Variants in PDCD1LG2 observed in about 807,000 individuals in gnomAD.
The protein encoded by PDCD1LG2 is B7 dendritic cell molecule.
A neutral mutation model predicts 28.2 loss-of-function variants in PDCD1LG2; 32 were observed. The observed-to-expected ratio is 1.13, with a 90% CI of 0.86 to 1.52. The LOEUF (loss-of-function observed/expected upper bound fraction) is 1.52. Ranked by LOEUF, PDCD1LG2 falls within the 40% of genes most tolerant of loss-of-function variation. The pLI is 0.00. For missense variants in PDCD1LG2, 385 were observed against 323.8 expected, an observed-to-expected ratio of 1.19 and a Z score of -1.45; for synonymous variants, 116 against 120.2, an observed-to-expected ratio of 0.97 and a Z score of 0.23.
At chr9:5,533,300 G>A (rs994263121) in intron 2 of PDCD1LG2, among the ~76,000 whole-genome samples, 2 of 152,130 alleles carry the variant, frequency 1.3e-5, no homozygotes, top group Non-Finnish European at 2.9e-5. Context: ...CTTTATTGAT[G>A]TAACACTACC....
At chr9:5,512,427 G>A (rs1820079421) in intron 1 of PDCD1LG2, among the ~76,000 whole-genome samples, 1 of 152,140 alleles carries the variant, frequency 6.6e-6, no homozygotes, top group Non-Finnish European at 1.5e-5. Flanking sequence ...TCCCTATGAT[G>A]AACTGCCCCT....
chr9:5,525,498 G>A (rs547632792), intron 2 of PDCD1LG2, among the ~76,000 whole-genome samples: 2 of 151,336 alleles, frequency 1.3e-5, no homozygotes, highest in Non-Finnish European at 2.9e-5. Context: ...TGGTATATTT[G>A]CAGAATATAT....
intron 4 of PDCD1LG2, among the ~76,000 whole-genome samples, chr9:5,557,049 G>A (rs548810726): frequency 1.5e-4 from 23 of 152,160 alleles, no homozygotes; most frequent in Non-Finnish European, 5.9e-5. Context: ...CACTACCTAG[G>A]ATATTCTATT....
intron 3 of PDCD1LG2, among the ~76,000 whole-genome samples, chr9:5,543,538 CAAAAAAA>C (rs139524609): frequency 1.4e-5 from 1 of 73,692 alleles, no homozygotes; most frequent in Non-Finnish European, 2.8e-5. Flanking sequence ...GACTCCGTCT[CAAAAAAA>C]AAAAAAAAAA....
chr9:5,552,729 C>T (rs762837661), intron 4 of PDCD1LG2, among the ~76,000 whole-genome samples: 2 of 152,204 alleles, frequency 1.3e-5, no homozygotes, highest in Non-Finnish European at 1.5e-5. Context: ...ATACCCATCT[C>T]ATCATAACTT....
In PDCD1LG2 at chr9:5,557,641, C is replaced by G. The variant is rs2129921132; in HGVS notation, c.655C>G (p.Pro219Ala). The G allele has an allele frequency of 6.2e-7, 1 of 1,614,000 alleles. No individual in the cohort carries two copies. Among genetic ancestry groups the G allele is most frequent in the Non-Finnish European group, 8.5e-7 (1 of 1,179,884 alleles). ...LQSQMEPRTH[P>A]TWLLHIFIPF... ...AGGTCAGATGGAACCCAGGACCCAT[C>G]CAACTTGGCTGCTTCACATTTTCAT... Residue 219 changes from proline to alanine, a missense_variant, in exon 5 of 7, where the codon CCA (proline) becomes GCA (alanine). Physicochemically the swap from Pro to Ala is conservative, Grantham distance 27. Transcript: ENST00000397747.
At chr9:5,560,346 G>A (rs1816534394) in intron 5 of PDCD1LG2, among the ~76,000 whole-genome samples, 1 of 152,210 alleles carries the variant, frequency 6.6e-6, no homozygotes, top group South Asian at 2.1e-4. Flanking sequence ...AGGCAGCTAG[G>A]TTAGTCCTCC....
intron 4 of PDCD1LG2, among the ~76,000 whole-genome samples, chr9:5,550,950 C>A (rs1369132507): frequency 2.6e-5 from 4 of 152,178 alleles, no homozygotes; most frequent in African/African-American, 9.7e-5. Flanking sequence ...GCCTCAGCCT[C>A]CCAAATTGCT....
chr9:5,558,537 T>C (rs1442722376), intron 5 of PDCD1LG2, among the ~76,000 whole-genome samples: 2 of 152,230 alleles, frequency 1.3e-5, no homozygotes, highest in African/African-American at 4.8e-5. Context: ...GATCTATACA[T>C]GGCCTCATCT....
In PDCD1LG2 at chr9:5,570,101, C is replaced by G; in HGVS notation, c.*142C>G. 1.9e-6 allele frequency: 2 copies of G among 1,051,606 alleles called. No homozygotes were observed. The highest frequency in any genetic ancestry group is 3.8e-5 in the Admixed American group (2 of 52,064). 65.1% of individuals were successfully genotyped at this position (1,051,606 alleles called of 1,614,324 possible). A position where few individuals can be genotyped will look rare whatever the true frequency, so the allele number is the denominator to read the frequency against. ...GATGACCCAGCACTTTAATCTGAAA[C>G]CTGCAACAAGACTAGCCAACACCTG... On this transcript the variant is annotated 3_prime_UTR_variant, in exon 7 of 7. Coordinates refer to ENST00000397747, the MANE Select transcript of PDCD1LG2 (RefSeq NM_025239.4).
At position 5,570,934 on chromosome 9, in the gene PDCD1LG2, G is replaced by T. The variant is rs192566024; in HGVS notation, c.*975G>T. The T allele has an allele frequency of 4.3e-6, 1 of 232,694 alleles. No individual in the cohort carries two copies. The highest frequency in any genetic ancestry group is 8.5e-6 in the Non-Finnish European group (1 of 117,788). The allele number at this position is 232,694 out of a possible 1,614,324, so 14.4% of individuals were successfully genotyped here. A position where few individuals can be genotyped will look rare whatever the true frequency, so the allele number is the denominator to read the frequency against. On this transcript the variant is annotated 3_prime_UTR_variant, in exon 7 of 7. Coordinates refer to ENST00000397747, the MANE Select transcript of PDCD1LG2 (RefSeq NM_025239.4). ...AATTGGCACTATGGAAATCCTGCAA[G>T]ATCCCACTACATATGTGTGGAGCAG...
chr9:5,522,752 A>G, intron 2 of PDCD1LG2, 151 bp downstream of exon 2: 2 of 640,700 alleles, frequency 3.1e-6, no homozygotes, highest in Non-Finnish European at 5.4e-6. Context: ...AAAAAAAAAA[A>G]GAGTCCCCAT....
At position 5,549,574 on chromosome 9, in the gene PDCD1LG2, G is replaced by A. The variant is rs528056151; in HGVS notation, c.601G>A (p.Glu201Lys). The A allele has an allele frequency of 2.3e-4, 367 of 1,614,200 alleles. 4 individuals carry two copies. In the South Asian group the frequency reaches 3.8e-3, roughly 17 times the overall value. Residue 201 changes from glutamate to lysine, a missense_variant, in exon 4 of 7, where the codon GAA (glutamate) becomes AAA (lysine). By Grantham distance (56) the Glu-to-Lys change is moderately conservative. Coordinates refer to ENST00000397747, the MANE Select transcript of PDCD1LG2 (RefSeq NM_025239.4). ...TGTGTTCTGGAATACTCACGTGAGGGAACTTACTTTGGCCAGCATTGACCT... is the reference window on the plus strand; with the variant it reads ...TGTGTTCTGGAATACTCACGTGAGGAAACTTACTTTGGCCAGCATTGACCT... ...SCVFWNTHVR[E>K]LTLASIDLQS...
Position 5,529,707 on chromosome 9 carries a change from A to G in PDCD1LG2, c.56-5038A>G, listed in dbSNP as rs183030922. Among the ~76,000 whole-genome samples the G allele has an allele frequency of 3.7e-3, 557 of 152,264 alleles. 3 individuals are homozygous for G. The highest frequency in any genetic ancestry group is 0.017 in the Middle Eastern group (5 of 294). ...AGGTAGATGAAAACCAGAGGGCCAC[A>G]ATGACCATGGTGATGCCTGAGGTCA... is the stretch of plus-strand genomic sequence containing the variant. On this transcript the variant is annotated intron_variant, in intron 2 of 6. Transcript: ENST00000397747.
At chr9:5,528,128 CTCTTT>C (rs1194276268) in intron 2 of PDCD1LG2, among the ~76,000 whole-genome samples, 1 of 151,578 alleles carries the variant, frequency 6.6e-6, no homozygotes, top group Non-Finnish European at 1.5e-5. Context: ...CCACGCCCTG[CTCTTT>C]TCTTAAGTCA....
chr9:5,520,911 A>G (rs988175748), intron 1 of PDCD1LG2, among the ~76,000 whole-genome samples: 4 of 152,252 alleles, frequency 2.6e-5, no homozygotes, highest in African/African-American at 9.6e-5. Flanking sequence ...AGACTTGTAT[A>G]TGAGTTTTCA....
intron 4 of PDCD1LG2, among the ~76,000 whole-genome samples, chr9:5,553,834 C>T (rs1245815147): frequency 6.6e-6 from 1 of 152,172 alleles, no homozygotes; most frequent in Non-Finnish European, 1.5e-5. Context: ...TTTTACCCAT[C>T]CTTCCCAACT....
intron 6 of PDCD1LG2, among the ~76,000 whole-genome samples, chr9:5,563,727 G>A (rs1426004584): frequency 6.6e-6 from 1 of 152,156 alleles, no homozygotes; most frequent in African/African-American, 2.4e-5. Flanking sequence ...TTAGACTCAG[G>A]GGAAGCAGCA....
In PDCD1LG2 at chr9:5,557,776, A is replaced by G. The variant is rs1414678843; in HGVS notation, c.766+24A>G. 3.7e-6 allele frequency: 6 copies of G among 1,612,830 alleles called. No homozygotes were observed. In the African/African-American group the frequency reaches 8.0e-5, roughly 22 times the overall value. On this transcript the variant is annotated intron_variant, in intron 5 of 6. Coordinates refer to ENST00000397747, the MANE Select transcript of PDCD1LG2 (RefSeq NM_025239.4). Reference sequence around the variant, plus strand: ...AGGTAAGTGAGTTTTATTCATGGTAACCCAATGCACTGGGTGTCTGCAGCA... The same window carrying G: ...AGGTAAGTGAGTTTTATTCATGGTAGCCCAATGCACTGGGTGTCTGCAGCA...
Sources: gnomAD v4.1 joint callset for allele counts (sites outside exome capture counted in the v4.1 genomes callset) on GRCh38, gnomAD v4.1.1 for gene constraint, MANE v1.5 for transcripts, NCBI Gene and HGNC (gene_info 2026-07-23, HGNC 2026-07-21) for gene names.